Variants in CHD9 observed in about 807,000 individuals in gnomAD.
CHD9 encodes the protein ATP-dependent chromatin remodeler CHD9.
Under a neutral mutation model 316.1 loss-of-function variants are expected in CHD9, and 77 were observed. The observed-to-expected ratio is 0.24, with a 90% CI of 0.20 to 0.29. The LOEUF (loss-of-function observed/expected upper bound fraction) is 0.29, where lower values mean the gene tolerates loss of function less well. Ranked by LOEUF, CHD9 falls within the 10% of genes least tolerant of loss-of-function variation. CHD9 has a pLI of 1.00. For synonymous variants in CHD9, 1,129 were observed against 1,158.3 expected, an observed-to-expected ratio of 0.97 and a Z score of 0.51; for missense variants, 2,763 against 3,438.1, an observed-to-expected ratio of 0.80 and a Z score of 4.91.
chr16:53,171,641 G>A (rs1597271923), intron 2 of CHD9, among the ~76,000 whole-genome samples: 1 of 152,044 alleles, frequency 6.6e-6, no homozygotes, highest in South Asian at 2.1e-4. Flanking sequence ...TTGAGCTGAG[G>A]CGTTTGAGAC....
chr16:53,140,366 GAGATCAC>G (rs1407503429), intron 1 of CHD9, among the ~76,000 whole-genome samples: 2 of 146,446 alleles, frequency 1.4e-5, no homozygotes, highest in Non-Finnish European at 3.0e-5. Flanking sequence ...GCAATGAGCT[GAGATCAC>G]ACCACTGCAT....
At chr16:53,291,228 T>G (rs1840824273) in intron 27 of CHD9, among the ~76,000 whole-genome samples, 1 of 152,184 alleles carries the variant, frequency 6.6e-6, no homozygotes, top group Non-Finnish European at 1.5e-5. Flanking sequence ...GCTAAAGTTA[T>G]GAATATAAGG....
chr16:53,224,448 T>C (rs2047485489), intron 4 of CHD9, among the ~76,000 whole-genome samples: 1 of 152,202 alleles, frequency 6.6e-6, no homozygotes, highest in Non-Finnish European at 1.5e-5. Flanking sequence ...TCATAGACTT[T>C]TAAATTAATC....
chr16:53,102,902 T>G (rs1243548941), intron 1 of CHD9, among the ~76,000 whole-genome samples: 1 of 151,898 alleles, frequency 6.6e-6, no homozygotes, highest in Non-Finnish European at 1.5e-5. Flanking sequence ...CTGGAGTGCA[T>G]TGGCGCAGTC....
At chr16:53,259,873 G>C (rs892999145) in intron 19 of CHD9, among the ~76,000 whole-genome samples, 2 of 152,128 alleles carry the variant, frequency 1.3e-5, no homozygotes, top group South Asian at 4.1e-4. Flanking sequence ...TTACCAGATT[G>C]GTTAAATCTC....
At chr16:53,285,570 A>G in intron 24 of CHD9, 26 bp from the exon 25 acceptor site, 2 of 1,433,608 alleles carry the variant, frequency 1.4e-6, no homozygotes, top group East Asian at 2.4e-5. Flanking sequence ...AATAATTCAT[A>G]ATGCCATATT....
intron 20 of CHD9, among the ~76,000 whole-genome samples, chr16:53,265,192 G>A (rs1275505898): frequency 6.6e-6 from 1 of 152,056 alleles, no homozygotes; most frequent in African/African-American, 2.4e-5. Context: ...GTTGAAGCTA[G>A]GAGTTTGATA....
At chr16:53,165,277 A>G (rs1031931844) in intron 2 of CHD9, among the ~76,000 whole-genome samples, 3 of 152,222 alleles carry the variant, frequency 2.0e-5, no homozygotes, top group Non-Finnish European at 4.4e-5. Flanking sequence ...ATTATAGGAT[A>G]TAACATTCAT....
At chr16:53,287,869 A>G in intron 26 of CHD9, 88 bp from the exon 27 acceptor site, 1 of 1,106,982 alleles carries the variant, frequency 9.0e-7, no homozygotes, top group Non-Finnish European at 1.4e-6. Flanking sequence ...TTTTAAAACA[A>G]ACTAAAACCC....
At position 53,227,614 on chromosome 16, in the gene CHD9, G is replaced by A. The variant is rs1347815059; in HGVS notation, c.2168+11G>A. 3 of 922,516 alleles carry A rather than the reference G, an allele frequency of 3.3e-6. No individual in the cohort carries two copies. Among genetic ancestry groups the A allele is most frequent in the Non-Finnish European group, 4.6e-6 (3 of 655,986 alleles). The allele number at this position is 922,516 out of a possible 1,614,324, so 57.1% of individuals were successfully genotyped here. On this transcript the variant is annotated intron_variant, in intron 7 of 38. Coordinates refer to ENST00000447540, the MANE Select transcript of CHD9 (RefSeq NM_001308319.2). ...AAAATACAAGAATTAGTAAGTATTTGAGTTAGAAAAATAAAAGAAAGATGT... is the reference window on the plus strand; with the variant it reads ...AAAATACAAGAATTAGTAAGTATTTAAGTTAGAAAAATAAAAGAAAGATGT...
rs527341366 is a variant in CHD9, at chr16:53,083,225, G to A, written c.-165+28148G>A. 5.3e-5 allele frequency among the ~76,000 whole-genome samples: 8 copies of A among 152,278 alleles called. No homozygotes were observed. In the East Asian group the frequency reaches 1.5e-3, roughly 29 times the overall value. ...ATAGCTAAGGATGCAAAGCTTTGGT[G>A]CATAACTTGCATAAACTAAGGATGC... On this transcript the variant is annotated intron_variant, in intron 1 of 38. Transcript: ENST00000447540.
intron 29 of CHD9, among the ~76,000 whole-genome samples, chr16:53,293,546 G>T (rs981402585): frequency 6.6e-6 from 1 of 152,158 alleles, no homozygotes; most frequent in Non-Finnish European, 1.5e-5. Flanking sequence ...AGCCCAGAAG[G>T]TCCGTGCTGC....
rs577990815 is a variant in CHD9 at position 53,138,089 on chromosome 16, G to A, written c.-164-17837G>A. On this transcript the variant is annotated intron_variant, in intron 1 of 38. Transcript: ENST00000447540. ...TTTTGAGATTAATAGAAATTTGTTA[G>A]TAATGACCAAAGTTCCCAGGGCTAC... Among the ~76,000 whole-genome samples, 4 of 152,256 alleles carry A rather than the reference G, an allele frequency of 2.6e-5. 1 individual carries two copies. In the South Asian group the frequency reaches 8.3e-4, roughly 32 times the overall value.
chr16:53,287,920 A>G (rs976840532), intron 26 of CHD9, 37 bp from the exon 27 acceptor site: 3 of 1,498,042 alleles, frequency 2.0e-6, no homozygotes, highest in South Asian at 2.3e-5. Context: ...TCTTAAGTCC[A>G]TTACAGTAAT....
intron 1 of CHD9, among the ~76,000 whole-genome samples, chr16:53,145,964 C>A (rs1029372873): frequency 3.3e-5 from 5 of 151,910 alleles, no homozygotes; most frequent in African/African-American, 1.2e-4. Context: ...ACAGACCGGT[C>A]ACAAAAAGAC....
intron 24 of CHD9, among the ~76,000 whole-genome samples, chr16:53,275,777 A>G (rs2052749260): frequency 6.6e-6 from 1 of 152,136 alleles, no homozygotes. Context: ...TTCTGTACTC[A>G]GTCTTTTCTT....
chr16:53,257,474 T>TA lies in CHD9; in HGVS notation c.4209+1697dup, dbSNP rs947788965. 5.3e-5 allele frequency among the ~76,000 whole-genome samples: 8 copies of TA among 152,164 alleles called. 1 individual carries two copies. Among genetic ancestry groups the TA allele is most frequent in the African/African-American group, 1.9e-4 (8 of 41,454 alleles). On this transcript the variant is annotated intron_variant, in intron 19 of 38. Transcript: ENST00000447540. ...TTATTTAAGGGACTTGTGTATGAAA[T>TA]AATGATGGGTGAACCAGGGTCATGG...
At chr16:53,173,432 G>A (rs1212915402) in intron 2 of CHD9, among the ~76,000 whole-genome samples, 1 of 151,908 alleles carries the variant, frequency 6.6e-6, no homozygotes, top group Non-Finnish European at 1.5e-5. Flanking sequence ...TATGGCTATA[G>A]GTTTACCAGT....
rs564352210 is a variant in CHD9 at position 53,122,746 on chromosome 16, G to A, written c.-164-33180G>A. The stretch of plus-strand genomic sequence containing the variant: ...TTTTGAGACGGAGTCTCGCTCTGTC[G>A]CCCAGGCTGGAGTGCAGTGGAGCGA... On this transcript the variant is annotated intron_variant, in intron 1 of 38. Transcript: ENST00000447540. Among the ~76,000 whole-genome samples the A allele has an allele frequency of 7.9e-5, 12 of 151,914 alleles. No homozygotes were observed. In the East Asian group the frequency reaches 9.7e-4, roughly 12 times the overall value.
Sources: gnomAD v4.1 joint callset for allele counts (sites outside exome capture counted in the v4.1 genomes callset) on GRCh38, gnomAD v4.1.1 for gene constraint, MANE v1.5 for transcripts, NCBI Gene and HGNC (gene_info 2026-07-23, HGNC 2026-07-21) for gene names.